PDE4B: variants seen among roughly 807,000 people sequenced by gnomAD.
The protein encoded by PDE4B is phosphodiesterase 4B.
PDE4B carries 20 observed loss-of-function variants against 82.2 expected under a neutral mutation model. That is an observed-to-expected ratio of 0.24 (90% CI 0.17 to 0.35). PDE4B has a LOEUF of 0.35. Ranked by LOEUF, PDE4B falls within the 10% of genes least tolerant of loss-of-function variation. The pLI is 1.00. For missense variants in PDE4B, 655 were observed against 907.2 expected, an observed-to-expected ratio of 0.72 and a Z score of 3.57; for synonymous variants, 320 against 318.9, an observed-to-expected ratio of 1.00 and a Z score of -0.04.
At chr1:66,222,092 G>A (rs1345040962) in intron 3 of PDE4B, among the ~76,000 whole-genome samples, 1 of 152,100 alleles carries the variant, frequency 6.6e-6, no homozygotes, top group Non-Finnish European at 1.5e-5. Flanking sequence ...ATTAGCTCTG[G>A]CTTCCAATTT....
At chr1:66,146,474 G>A (rs577626571) in intron 3 of PDE4B, among the ~76,000 whole-genome samples, 5 of 152,124 alleles carry the variant, frequency 3.3e-5, no homozygotes, top group South Asian at 2.1e-4. Flanking sequence ...GTGAGCCACC[G>A]TGCCTGGCCT....
intron 3 of PDE4B, among the ~76,000 whole-genome samples, chr1:66,131,599 A>ATATATATG (rs1368128534): frequency 3.1e-5 from 2 of 65,382 alleles, no homozygotes; most frequent in Non-Finnish European, 5.3e-5. Context: ...CCAGATATAT[A>ATATATATG]TATATATATA....
intron 3 of PDE4B, among the ~76,000 whole-genome samples, chr1:66,114,727 C>T (rs1645559365): frequency 6.6e-6 from 1 of 151,020 alleles, no homozygotes; most frequent in South Asian, 2.1e-4. Flanking sequence ...CCTCTGCTTC[C>T]TGGGTTCAAG....
intron 4 of PDE4B, among the ~76,000 whole-genome samples, chr1:66,255,273 A>G (rs1356367860): frequency 1.3e-5 from 2 of 151,920 alleles, no homozygotes; most frequent in African/African-American, 4.8e-5. Flanking sequence ...TTTTTAGTAG[A>G]GACAGGGTTC....
intron 7 of PDE4B, among the ~76,000 whole-genome samples, chr1:66,312,048 GGGAT>G (rs1658711137): frequency 6.6e-6 from 1 of 152,198 alleles, no homozygotes; most frequent in Admixed American, 6.5e-5. Flanking sequence ...TTCTTCATCA[GGGAT>G]CTATAAAGCT....
chr1:66,087,997 A>G (rs1451389698), intron 3 of PDE4B, among the ~76,000 whole-genome samples: 4 of 151,942 alleles, frequency 2.6e-5, no homozygotes, highest in Non-Finnish European at 4.4e-5. Flanking sequence ...GTGCACATGT[A>G]CCCTAAAACT....
intron 4 of PDE4B, among the ~76,000 whole-genome samples, 162 bp downstream of exon 4, chr1:66,247,816 C>T (rs147065444): frequency 1.1e-3 from 167 of 152,270 alleles, no homozygotes; most frequent in African/African-American, 3.9e-3. Flanking sequence ...GACATTAATG[C>T]TCTATAGCAT....
chr1:66,230,950 C>A (rs1237073954), intron 3 of PDE4B, among the ~76,000 whole-genome samples: 2 of 151,096 alleles, frequency 1.3e-5, no homozygotes, highest in Non-Finnish European at 2.9e-5. Context: ...CAGAGAATTG[C>A]TTGAACCCAG....
intron 1 of PDE4B, among the ~76,000 whole-genome samples, chr1:65,887,004 A>G (rs1165945206): frequency 6.6e-6 from 1 of 152,086 alleles, no homozygotes; most frequent in African/African-American, 2.4e-5. Context: ...GTAAGAGTTC[A>G]CTTTTCTTCA....
At chr1:66,229,548 A>G (rs955784326) in intron 3 of PDE4B, among the ~76,000 whole-genome samples, 7 of 152,200 alleles carry the variant, frequency 4.6e-5, no homozygotes, top group Non-Finnish European at 8.8e-5. Flanking sequence ...TTTCATAGAC[A>G]TGGGGGTTCA....
chr1:65,796,785 G>A (rs1191409384), intron 1 of PDE4B, among the ~76,000 whole-genome samples: 1 of 151,396 alleles, frequency 6.6e-6, no homozygotes, highest in Non-Finnish European at 1.5e-5. Flanking sequence ...GAGTACCTGG[G>A]ACTATAGGTG....
intron 3 of PDE4B, among the ~76,000 whole-genome samples, chr1:66,002,024 A>G (rs927700237): frequency 1.3e-5 from 2 of 152,094 alleles, no homozygotes; most frequent in East Asian, 1.9e-4. Context: ...TGCCTGGCCT[A>G]TAGTATATGC....
chr1:65,855,443 TAG>T (rs1382626124), intron 1 of PDE4B, among the ~76,000 whole-genome samples: 1 of 152,182 alleles, frequency 6.6e-6, no homozygotes, highest in Non-Finnish European at 1.5e-5. Context: ...GCCCTTTTTC[TAG>T]AGGTAGATTA....
chr1:66,086,264 T>C (rs1387859389), intron 3 of PDE4B, among the ~76,000 whole-genome samples: 5 of 152,204 alleles, frequency 3.3e-5, no homozygotes, highest in Non-Finnish European at 1.5e-5. Flanking sequence ...GATGCCAGAA[T>C]AGCTCTCAAG....
chr1:65,927,446 A>G (rs1647565327), intron 3 of PDE4B, among the ~76,000 whole-genome samples: 1 of 146,648 alleles, frequency 6.8e-6, no homozygotes, highest in Admixed American at 6.9e-5. Context: ...ATGTAAATAT[A>G]TATAATATGT....
At position 66,373,235 on chromosome 1, in the gene PDE4B, A is replaced by G. The variant is rs2050847337; in HGVS notation, c.*557A>G. 1 of 154,058 alleles carries G rather than the reference A, an allele frequency of 6.5e-6. No individual in the cohort carries two copies. The highest frequency in any genetic ancestry group is 1.4e-5 in the Non-Finnish European group (1 of 69,070). The allele number at this position is 154,058 out of a possible 1,614,324, so 9.5% of individuals were successfully genotyped here. ...TAGTCTTCCTTCTTTCTTGGGCAAT[A>G]TCCTTCACTTTACTACAGTTACTTT... On this transcript the variant is annotated 3_prime_UTR_variant, in exon 17 of 17. Transcript: ENST00000341517.
intron 7 of PDE4B, among the ~76,000 whole-genome samples, chr1:66,292,749 A>G (rs967095722): frequency 6.6e-6 from 1 of 152,186 alleles, no homozygotes; most frequent in African/African-American, 2.4e-5. Flanking sequence ...CAAATTATTT[A>G]CATAATTATC....
chr1:66,358,544 C>T (rs753663182), intron 9 of PDE4B, among the ~76,000 whole-genome samples: 2 of 151,880 alleles, frequency 1.3e-5, no homozygotes, highest in Admixed American at 6.6e-5. Flanking sequence ...CATGGTGGTA[C>T]ATGCCTGTGG....
chr1:66,152,090 A>G (rs915557846), intron 3 of PDE4B, among the ~76,000 whole-genome samples: 1 of 152,218 alleles, frequency 6.6e-6, no homozygotes, highest in Non-Finnish European at 1.5e-5. Flanking sequence ...TTTAGATGAC[A>G]TCTTTTAAGA....
Sources: gnomAD v4.1 joint callset for allele counts (sites outside exome capture counted in the v4.1 genomes callset) on GRCh38, gnomAD v4.1.1 for gene constraint, MANE v1.5 for transcripts, NCBI Gene and HGNC (gene_info 2026-07-23, HGNC 2026-07-21) for gene names.